HMCN2: variants seen among roughly 807,000 people sequenced by gnomAD.
HMCN2 encodes hemicentin 2, also known as hemicentin-2.
Under a neutral mutation model 377.5 loss-of-function variants are expected in HMCN2, and 325 were observed. The observed-to-expected ratio is 0.86, with a 90% CI of 0.79 to 0.94. The LOEUF (loss-of-function observed/expected upper bound fraction) is 0.94, where lower values mean the gene tolerates loss of function less well. Ranked by LOEUF, HMCN2 falls within the 40% of genes least tolerant of loss-of-function variation. The pLI is 0.00. For synonymous variants in HMCN2, 2,007 were observed against 2,046.8 expected (o/e 0.98, Z 0.53); for missense variants, 4,543 against 4,725.3 (o/e 0.96, Z 1.13).
At position 130,399,643 on chromosome 9, in the gene HMCN2, G is replaced by T. The variant is rs774476126; in HGVS notation, c.11605+11G>T. The T allele has an allele frequency of 1.1e-4, 139 of 1,284,726 alleles. No homozygotes were observed. The highest frequency in any genetic ancestry group is 1.4e-4 in the Non-Finnish European group (135 of 984,820). The allele number at this position is 1,284,726 out of a possible 1,614,324, so 79.6% of individuals were successfully genotyped here. On this transcript the variant is annotated intron_variant, in intron 76 of 97. Transcript: ENST00000683500. ...AGGTGACCGTCCATGGTGAGTCGGG[G>T]CAGAGGTGGAGGGGGACACCTGGGG... is the stretch of plus-strand genomic sequence containing the variant.
At chr9:130,341,903 C>T (rs1839069326) in intron 24 of HMCN2, among the ~76,000 whole-genome samples, 3 of 152,124 alleles carry the variant, frequency 2.0e-5, no homozygotes, top group African/African-American at 7.2e-5. Flanking sequence ...GGGCTGAGTG[C>T]AGTGGCTCAT....
chr9:130,429,902 C>A, intron 94 of HMCN2: 1 of 887,310 alleles, frequency 1.1e-6, no homozygotes, highest in East Asian at 2.8e-5. Flanking sequence ...CCTGCCTGTG[C>A]ACCAAAACCT....
chr9:130,354,881 C>T lies in HMCN2; in HGVS notation c.4983C>T (p.His1661=), dbSNP rs117597984. ...ACCCGTCCCCCACCCTCTCCTGGCA[C>T]CACGAGGGGCTGCCCGTGGCAGAGA... The part of the protein sequence containing the change: ...RGHPSPTLSW[H]HEGLPVAESN... The change falls in exon 32 of 98, where the codon CAC becomes CAT. Residue 1661 remains histidine (H), a synonymous_variant. Transcript: ENST00000683500. 11,294 of 1,304,284 alleles carry T rather than the reference C, an allele frequency of 8.7e-3. 102 individuals carry two copies. Among genetic ancestry groups the T allele is most frequent in the Non-Finnish European group, 8.6e-3 (8,547 of 988,946 alleles). The allele number at this position is 1,304,284 out of a possible 1,614,324, so 80.8% of individuals were successfully genotyped here. A position where few individuals can be genotyped will look rare whatever the true frequency, so the allele number is the denominator to read the frequency against.
intron 4 of HMCN2, 85 bp downstream of exon 4, chr9:130,286,395 T>C (rs144587050): frequency 3.0e-4 from 131 of 443,238 alleles, no homozygotes; most frequent in Non-Finnish European, 5.6e-4. Flanking sequence ...TCCAGGTGGT[T>C]GAATGACAAT....
intron 93 of HMCN2, 70 bp from the exon 94 acceptor site, chr9:130,429,487 A>G: frequency 1.3e-6 from 2 of 1,530,130 alleles, no homozygotes; most frequent in Non-Finnish European, 8.8e-7. Flanking sequence ...ATGGAGGGGG[A>G]TGGTCCGTCC....
Position 130,393,968 on chromosome 9 carries a change from G to A in HMCN2, c.10461G>A (p.Glu3487=). Residue 3487 remains glutamate, a synonymous_variant, in exon 68 of 98, where the codon GAG becomes GAA. Transcript: ENST00000683500. This position sits in a 1 kb window ranked among gnomAD's most constrained non-coding sequence, Gnocchi z 5.2. ...CCTACTCCTGTGTGGCCGTGAGCGA[G>A]GCGGGGGAAGCCAGGAGGCATTTCC... ...SGTYSCVAVS[E]AGEARRHFQL... 1 of 1,281,588 alleles carries A rather than the reference G, an allele frequency of 7.8e-7. No individual in the cohort carries two copies. Among genetic ancestry groups the A allele is most frequent in the Non-Finnish European group, 1.0e-6 (1 of 985,498 alleles). The allele number at this position is 1,281,588 out of a possible 1,614,324, so 79.4% of individuals were successfully genotyped here.
chr9:130,398,777 GC>G, intron 75 of HMCN2, 70 bp downstream of exon 75: 1 of 1,218,002 alleles, frequency 8.2e-7, no homozygotes, highest in Admixed American at 2.4e-5. Context: ...TCTCACGGGG[GC>G]ATGGGGCAGG....
chr9:130,401,068 G>C (rs1842839463), intron 77 of HMCN2, 121 bp downstream of exon 77: 1 of 897,472 alleles, frequency 1.1e-6, no homozygotes, highest in Non-Finnish European at 1.5e-6. Flanking sequence ...TGCCTCTCCT[G>C]GCTGTGTGAC....
intron 1 of HMCN2, among the ~76,000 whole-genome samples, chr9:130,280,902 G>A (rs1456946445): frequency 2.0e-5 from 3 of 151,988 alleles, no homozygotes; most frequent in Non-Finnish European, 4.4e-5. Context: ...TCAGGAGATC[G>A]AGACCATCCT....
chr9:130,278,348 T>A (rs1174189812), intron 1 of HMCN2, among the ~76,000 whole-genome samples: 5 of 151,948 alleles, frequency 3.3e-5, no homozygotes, highest in African/African-American at 9.7e-5. Context: ...TTGGTCTTGA[T>A]CTCCTGACCT....
chr9:130,301,502 T>G (rs1316505814), intron 8 of HMCN2, among the ~76,000 whole-genome samples: 1 of 152,168 alleles, frequency 6.6e-6, no homozygotes, highest in Non-Finnish European at 1.5e-5. Context: ...TTTGGAGAGA[T>G]GAGGGTGGGC....
chr9:130,418,647 C>A, intron 85 of HMCN2, 125 bp from the exon 86 acceptor site: 1 of 746,984 alleles, frequency 1.3e-6, no homozygotes, highest in Non-Finnish European at 2.0e-6. Flanking sequence ...GTGGAAGGAT[C>A]CTATGCAGTT....
intron 1 of HMCN2, among the ~76,000 whole-genome samples, chr9:130,277,838 T>C (rs1187491542): frequency 1.5e-4 from 4 of 27,150 alleles, no homozygotes; most frequent in Admixed American, 3.9e-4. Flanking sequence ...ACCACCATCA[T>C]CATCATCACC....
chr9:130,313,608 C>CCCG (rs1837387110), intron 15 of HMCN2, among the ~76,000 whole-genome samples: 1 of 151,666 alleles, frequency 6.6e-6, no homozygotes, highest in East Asian at 1.9e-4. Flanking sequence ...GCACCCCCCC[C>CCCG]CATAAACCTG....
chr9:130,429,655 C>G lies in HMCN2; in HGVS notation c.14296C>G (p.Arg4766Gly). The G allele has an allele frequency of 6.5e-7, 1 of 1,544,476 alleles. No homozygotes were observed. The highest frequency in any genetic ancestry group is 8.7e-7 in the Non-Finnish European group (1 of 1,143,586). ...CCGCTGCAGCTGCCCCAGGGGTTAC[C>G]GGATGCAGGGCCCCAGCCTGCCCTG... ...GHRCSCPRGY[R>G]MQGPSLPCLD... Residue 4766 changes from arginine (R) to glycine (G), a missense_variant, in exon 94 of 98, where the codon CGG (arginine) becomes GGG (glycine). By Grantham distance (125) the Arg-to-Gly change is moderately radical. This residue lies in a region of HMCN2 where 1,155 missense variants were observed against 1,157.7 expected (regional missense o/e 1.00). Transcript: ENST00000683500.
rs781987252 is a variant in HMCN2 at position 130,285,238 on chromosome 9, C to T, written c.411C>T (p.Tyr137=). The change falls in exon 3 of 98, where the codon TAC becomes TAT. Residue 137 remains tyrosine (Y), a synonymous_variant. Transcript: ENST00000683500. ...TTGCCAACCCCGGATCCTTCATCTA[C>T]GTCTTTTCGGATGCCCGCGCCAAAG... ...VEVANPGSFI[Y]VFSDARAKDY... The T allele has an allele frequency of 6.8e-5, 32 of 471,054 alleles. 1 individual carries two copies. The highest frequency in any genetic ancestry group is 3.1e-4 in the South Asian group (20 of 64,580). The allele number at this position is 471,054 out of a possible 1,614,324, so 29.2% of individuals were successfully genotyped here.
intron 1 of HMCN2, among the ~76,000 whole-genome samples, chr9:130,278,325 C>T (rs1341883066): frequency 5.9e-5 from 9 of 152,104 alleles, no homozygotes; most frequent in East Asian, 3.9e-4. Flanking sequence ...GGGGTTTCAC[C>T]GTGTTAGCCA....
chr9:130,301,033 C>T (rs1015141987), intron 8 of HMCN2, among the ~76,000 whole-genome samples: 3 of 152,220 alleles, frequency 2.0e-5, no homozygotes, highest in Non-Finnish European at 4.4e-5. Flanking sequence ...AGGCATCCTC[C>T]TCTGTCCACT....
intron 43 of HMCN2, among the ~76,000 whole-genome samples, chr9:130,366,802 C>T (rs1840712794): frequency 6.6e-6 from 1 of 152,090 alleles, no homozygotes; most frequent in African/African-American, 2.4e-5. Context: ...GTTCTAGGCA[C>T]TGGAAATATA....
Sources: gnomAD v4.1 joint callset for allele counts (sites outside exome capture counted in the v4.1 genomes callset) on GRCh38, gnomAD v4.1.1 for gene constraint, gnomAD v4.1.1 regional missense constraint, Gnocchi (gnomAD v3.1) non-coding constraint, MANE v1.5 for transcripts, NCBI Gene and HGNC (gene_info 2026-07-23, HGNC 2026-07-21) for gene names.